Variants in QRICH2 observed in about 807,000 individuals in gnomAD.
The protein encoded by QRICH2 is glutamine rich 2.
A neutral mutation model predicts 168.3 loss-of-function variants in QRICH2; 119 were observed. The ratio of observed to expected loss-of-function variants is 0.71; its 90% CI spans 0.61 to 0.82. QRICH2 has a LOEUF of 0.82. Ranked by LOEUF, QRICH2 falls within the 40% of genes least tolerant of loss-of-function variation. QRICH2 has a pLI of 0.00. For synonymous variants in QRICH2, 894 were observed against 951.2 expected (o/e 0.94, Z 1.11); for missense variants, 2,241 against 2,491.6 (o/e 0.90, Z 2.14).
At position 76,274,344 on chromosome 17, in the gene QRICH2, G is replaced by A. The variant is rs181732577; in HGVS notation, c.5483-84C>T. The stretch of plus-strand genomic sequence containing the variant: ...CCCAGCCTGCCCAATGCCCAGGGAG[G>A]TTGAGAGCAGTTCTGTTCGCCATGC... On this transcript the variant is annotated intron_variant, in intron 18 of 18. Coordinates refer to ENST00000680821, the MANE Select transcript of QRICH2 (RefSeq NM_001388453.1). The A allele has an allele frequency of 5.0e-3, 6,908 of 1,394,714 alleles. 29 individuals are homozygous for A. The highest frequency in any genetic ancestry group is 5.6e-3 in the Non-Finnish European group (5,771 of 1,024,022). 86.4% of individuals were successfully genotyped at this position (1,394,714 alleles called of 1,614,324 possible).
chr17:76,301,254 A>G (rs2070892500), intron 3 of QRICH2, among the ~76,000 whole-genome samples: 1 of 150,944 alleles, frequency 6.6e-6, no homozygotes, highest in Non-Finnish European at 1.5e-5. Flanking sequence ...CATTACAACA[A>G]ATGAGCCAAA....
Position 76,283,981 on chromosome 17 carries a change from TGTG to T in QRICH2, c.4012-1869_4012-1867del, listed in dbSNP as rs1181015949. Among the ~76,000 whole-genome samples the T allele has an allele frequency of 2.8e-5, 4 of 140,654 alleles. 1 individual carries two copies. The highest frequency in any genetic ancestry group is 6.4e-5 in the African/African-American group (2 of 31,380). 92.3% of individuals were successfully genotyped at this position (140,654 alleles called of 152,430 possible). ...AGGAGTTCAAGACCGGCCTGACCAA[TGTG>T]GTGAAACCCTGTATCTACTAAAAAT... On this transcript the variant is annotated intron_variant, in intron 7 of 18. Coordinates refer to ENST00000680821, the MANE Select transcript of QRICH2 (RefSeq NM_001388453.1).
Position 76,280,772 on chromosome 17 carries a change from C to T in QRICH2, c.4387-44G>A, listed in dbSNP as rs752582646. 18 of 1,613,842 alleles carry T rather than the reference C, an allele frequency of 1.1e-5. No individual in the cohort carries two copies. Among genetic ancestry groups the T allele is most frequent in the Middle Eastern group, 1.6e-4 (1 of 6,078 alleles). On this transcript the variant is annotated intron_variant, in intron 9 of 18. Transcript: ENST00000680821. This position sits in a 1 kb window ranked among gnomAD's most constrained non-coding sequence, Gnocchi z 7.4. ...CAGAGAAAAAAAGAGCCAGCAGCTG[C>T]GGGGCTAGGGCACCACATTGAGCCC...
rs1486223108 is a variant in QRICH2 at position 76,307,172 on chromosome 17, T to C, written c.534+293A>G. 6.6e-6 allele frequency among the ~76,000 whole-genome samples: 1 copy of C among 152,028 alleles called. No homozygotes were observed. The highest frequency in any genetic ancestry group is 1.9e-4 in the East Asian group (1 of 5,184). ...AGGGGCTAGGAAGGAGGGGGTGGGA[T>C]GGGGCCACTACACTTAGGAGGTGGG... is the stretch of plus-strand genomic sequence containing the variant. On this transcript the variant is annotated intron_variant, in intron 1 of 18. Coordinates refer to ENST00000680821, the MANE Select transcript of QRICH2 (RefSeq NM_001388453.1). The surrounding 1 kb of genome is among the most constrained non-coding windows in gnomAD (Gnocchi z 5.3).
chr17:76,295,185 G>A (rs2070776689), intron 3 of QRICH2, among the ~76,000 whole-genome samples: 1 of 151,984 alleles, frequency 6.6e-6, no homozygotes, highest in African/African-American at 2.4e-5. Flanking sequence ...CCTGAACCCA[G>A]GAGGCAGAGG....
chr17:76,309,156 A>AAGGCCAGCC (rs2071036938), upstream of QRICH2, among the ~76,000 whole-genome samples: 1 of 148,318 alleles, frequency 6.7e-6, no homozygotes, highest in African/African-American at 2.5e-5. Context: ...TAAGGGGTTC[A>AAGGCCAGCC]AGGCCAGCCT....
rs2071019864 is a variant in QRICH2 at position 76,308,108 on chromosome 17, C to T, written c.-110G>A. 1 of 1,219,604 alleles carries T rather than the reference C, an allele frequency of 8.2e-7. No individual in the cohort carries two copies. The highest frequency in any genetic ancestry group is 1.0e-6 in the Non-Finnish European group (1 of 982,516). The allele number at this position is 1,219,604 out of a possible 1,614,324, so 75.5% of individuals were successfully genotyped here. ...GGGGCCCTGCGAGGTCCTCGGGGCG[C>T]CCCTGCCCCGGGTCCGGCCGAGTCA... On this transcript the variant is annotated 5_prime_UTR_variant, in exon 1 of 19. Coordinates refer to ENST00000680821, the MANE Select transcript of QRICH2 (RefSeq NM_001388453.1).
At chr17:76,304,371 G>T in intron 3 of QRICH2, 44 bp downstream of exon 3, 2 of 1,300,566 alleles carry the variant, frequency 1.5e-6, no homozygotes, top group Non-Finnish European at 2.2e-6. Flanking sequence ...AGAAGTTCTG[G>T]GGAGCCCCAC....
intron 7 of QRICH2, among the ~76,000 whole-genome samples, chr17:76,285,336 G>A (rs546127059): frequency 6.6e-6 from 1 of 151,986 alleles, no homozygotes; most frequent in African/African-American, 2.4e-5. Flanking sequence ...GTTTCACCAT[G>A]TTGGTCAGGC....
chr17:76,278,113 G>A lies in QRICH2; in HGVS notation c.4993C>T (p.His1665Tyr). Residue 1665 changes from histidine to tyrosine, a missense_variant, in exon 15 of 19, where the codon CAC becomes TAC. His to Tyr is a moderately conservative substitution (Grantham distance 83). Coordinates refer to ENST00000680821, the MANE Select transcript of QRICH2 (RefSeq NM_001388453.1). ...EQSVGRLRSMHSKMLMNIEKV... is the reference protein window; with the variant it reads ...EQSVGRLRSMYSKMLMNIEKV... ...TCAATGTTCATCAGCATCTTGGAGT[G>A]CATGGAGCGCAGGCGCCCCACGCTC... 3 of 1,613,500 alleles carry A rather than the reference G, an allele frequency of 1.9e-6. No homozygotes were observed. The highest frequency in any genetic ancestry group is 1.7e-5 in the Admixed American group (1 of 60,034).
intron 3 of QRICH2, among the ~76,000 whole-genome samples, chr17:76,300,824 G>A (rs536673560): frequency 1.7e-4 from 26 of 152,302 alleles, no homozygotes; most frequent in Non-Finnish European, 3.2e-4. Flanking sequence ...GGCCAAGGCA[G>A]GCAGATCACC....
intron 3 of QRICH2, among the ~76,000 whole-genome samples, chr17:76,298,388 C>G (rs962986829): frequency 6.7e-6 from 1 of 148,758 alleles, no homozygotes; most frequent in African/African-American, 2.5e-5. Flanking sequence ...ACCGTGTTAG[C>G]CAGGATGGTC....
chr17:76,278,079 TG>T lies in QRICH2; in HGVS notation c.5026del (p.Gln1676ArgfsTer14). 1 of 1,613,974 alleles carries T rather than the reference TG, an allele frequency of 6.2e-7. No homozygotes were observed. Among genetic ancestry groups the T allele is most frequent in the South Asian group, 1.1e-5 (1 of 91,090 alleles). ...CTTGGTGGAGCCCCCGAAGTGGATC[TG>T]CACCTTCTCAATGTTCATCAGCATC... is the stretch of plus-strand genomic sequence containing the variant. The part of the protein sequence containing the change: ...SKMLMNIEKV[Q>X]IHFGGSTKAS... On this transcript the variant is annotated frameshift_variant, in exon 15 of 19. Transcript: ENST00000680821. LOFTEE classifies it high-confidence loss of function.
At chr17:76,289,439 G>A (rs1366222569) in intron 5 of QRICH2, among the ~76,000 whole-genome samples, 1 of 151,912 alleles carries the variant, frequency 6.6e-6, no homozygotes, top group Admixed American at 6.6e-5. Flanking sequence ...CTCCTGCCTT[G>A]GCCTCCCAAA....
At chr17:76,308,360 G>C (rs1470100171), upstream of QRICH2, 1 of 985,294 alleles carries the variant, frequency 1.0e-6, no homozygotes, top group African/African-American at 1.7e-5. Context: ...GGGAAGTAAA[G>C]GCCACCACAA....
Position 76,290,048 on chromosome 17 carries a change from C to T in QRICH2, c.3742G>A (p.Glu1248Lys), listed in dbSNP as rs1331774572. ...AGCGTCTTTACGGTCTTCAGCTGCT[C>T]CTGCAGTTCAGGAGGTATGGTCCTT... ...VKRTIPPELQEQLKTVKTLAK... is the reference protein window; with the variant it reads ...VKRTIPPELQKQLKTVKTLAK... Residue 1248 changes from glutamate to lysine, a missense_variant, in exon 5 of 19, where the codon GAG becomes AAG. By Grantham distance (56) the Glu-to-Lys change is moderately conservative. Around this residue, in one of 3 missense-constraint regions of QRICH2, gnomAD observed 2,047 missense variants for 2,303.8 expected, o/e 0.89. Coordinates refer to ENST00000680821, the MANE Select transcript of QRICH2 (RefSeq NM_001388453.1). 1.2e-6 allele frequency: 2 copies of T among 1,612,286 alleles called. No individual in the cohort carries two copies. The highest frequency in any genetic ancestry group is 2.7e-5 in the African/African-American group (2 of 74,806).
At chr17:76,294,737 C>A (rs1213868608) in intron 3 of QRICH2, among the ~76,000 whole-genome samples, 1 of 147,698 alleles carries the variant, frequency 6.8e-6, no homozygotes, top group Admixed American at 6.9e-5. Context: ...CGCTTGAACC[C>A]GGGAGGTGGA....
Position 76,280,945 on chromosome 17 carries a change from C to G in QRICH2, c.4272G>C (p.Glu1424Asp), listed in dbSNP as rs1423127565. Reference sequence around the variant, plus strand: ...TGGCACTCTGCACACGGCCCAGCAGCTCCTCGTCCTGCGGCAGGAGGGATG... The same window carrying G: ...TGGCACTCTGCACACGGCCCAGCAGGTCCTCGTCCTGCGGCAGGAGGGATG... ...KKAKLQRQDE[E>D]LLGRVQSAIL... Residue 1424 changes from glutamate to aspartate, a missense_variant, in exon 9 of 19, where the codon GAG becomes GAC. Around this residue, in one of 3 missense-constraint regions of QRICH2, gnomAD observed 2,047 missense variants for 2,303.8 expected, o/e 0.89. Transcript: ENST00000680821. The surrounding 1 kb of genome is among the most constrained non-coding windows in gnomAD (Gnocchi z 7.4). 2.5e-6 allele frequency: 4 copies of G among 1,609,938 alleles called. No homozygotes were observed.
intron 3 of QRICH2, among the ~76,000 whole-genome samples, chr17:76,296,007 G>A (rs1421938671): frequency 6.6e-6 from 1 of 152,162 alleles, no homozygotes; most frequent in African/African-American, 2.4e-5. Flanking sequence ...GGTGGATCAT[G>A]AGGTCAGGAG....
Sources: allele counts gnomAD v4.1 joint callset (sites outside exome capture counted in the v4.1 genomes callset), GRCh38; gene constraint gnomAD v4.1.1; regional missense constraint gnomAD v4.1.1; non-coding constraint Gnocchi (gnomAD v3.1); transcripts MANE v1.5; gene names NCBI Gene and HGNC (gene_info 2026-07-23, HGNC 2026-07-21).